RFC3: variants seen among roughly 807,000 people sequenced by gnomAD.
RFC3 encodes the protein A1 38 kDa subunit.
A neutral mutation model predicts 45.1 loss-of-function variants in RFC3; 41 were observed. That is an observed-to-expected ratio of 0.91 (90% CI 0.71 to 1.18). RFC3 has a LOEUF of 1.18. Ranked by LOEUF, RFC3 falls within the 50% of genes most tolerant of loss-of-function variation. The pLI, the probability that RFC3 is intolerant of heterozygous loss-of-function variation, is 0.00. For missense variants in RFC3, 423 were observed against 428.1 expected, an observed-to-expected ratio of 0.99 and a Z score of 0.10; for synonymous variants, 149 against 144.0, an observed-to-expected ratio of 1.03 and a Z score of -0.25.
chr13:33,822,186 A>G (rs1197006915), intron 2 of RFC3, among the ~76,000 whole-genome samples: 1 of 152,230 alleles, frequency 6.6e-6, no homozygotes, highest in Non-Finnish European at 1.5e-5. Context: ...GTATAAATAT[A>G]TAGGGACAAA....
downstream of RFC3, among the ~76,000 whole-genome samples, chr13:33,837,949 TA>T (rs1418615324): frequency 6.6e-6 from 1 of 152,068 alleles, no homozygotes; most frequent in East Asian, 1.9e-4. Context: ...ATTTTTTTTT[TA>T]ACCAATGGAT....
intron 8 of RFC3, among the ~76,000 whole-genome samples, chr13:33,914,033 A>G (rs531637012): frequency 6.1e-4 from 93 of 152,286 alleles, no homozygotes; most frequent in African/African-American, 2.2e-3. Flanking sequence ...AATAGTAGAC[A>G]GCTAATTGCC....
At chr13:33,957,907 A>G (rs1055332194) in intron 8 of RFC3, among the ~76,000 whole-genome samples, 7 of 152,078 alleles carry the variant, frequency 4.6e-5, no homozygotes, top group African/African-American at 1.7e-4. Context: ...AACTTTTACT[A>G]TTGTACCATA....
intron 8 of RFC3, among the ~76,000 whole-genome samples, chr13:33,845,971 C>A (rs1463142171): frequency 6.6e-6 from 1 of 152,168 alleles, no homozygotes. Flanking sequence ...GTTACTGTAG[C>A]CATATATGCA....
intron 8 of RFC3, among the ~76,000 whole-genome samples, chr13:33,896,711 CAAAAAAAAAAAAAAAAAAAA>C (rs56129519): frequency 1.4e-4 from 6 of 42,102 alleles, no homozygotes; most frequent in Admixed American, 1.4e-3. Context: ...GACTTTGTCT[CAAAAAAAAAAAAAAAAAAAA>C]AAAAAAAAAA....
intron 1 of RFC3, among the ~76,000 whole-genome samples, chr13:33,820,747 A>AT (rs1451583406): frequency 3.3e-5 from 5 of 152,158 alleles, no homozygotes; most frequent in African/African-American, 1.2e-4. Context: ...GGGTCTGTTC[A>AT]TTAGTCAGTC....
intron 8 of RFC3, among the ~76,000 whole-genome samples, chr13:33,870,883 GAGGTATAAT>G (rs960867380): frequency 1.3e-5 from 2 of 152,180 alleles, no homozygotes; most frequent in African/African-American, 4.8e-5. Flanking sequence ...ATCATTGCTT[GAGGTATAAT>G]AGGCGAAGGA....
chr13:33,860,786 A>G (rs1329850275), intron 8 of RFC3, among the ~76,000 whole-genome samples: 2 of 152,184 alleles, frequency 1.3e-5, no homozygotes, highest in Non-Finnish European at 2.9e-5. Flanking sequence ...CCCTTTAAAT[A>G]ACTTCCTCCT....
At chr13:33,882,923 G>C (rs1333416442) in intron 8 of RFC3, among the ~76,000 whole-genome samples, 1 of 152,160 alleles carries the variant, frequency 6.6e-6, no homozygotes, top group East Asian at 1.9e-4. Flanking sequence ...ATCCATCCAA[G>C]TTGATGTTTG....
chr13:33,852,302 T>C (rs2082281482), intron 8 of RFC3, among the ~76,000 whole-genome samples: 1 of 152,202 alleles, frequency 6.6e-6, no homozygotes, highest in Non-Finnish European at 1.5e-5. Context: ...GTGAACCTAC[T>C]TGACGTGGCT....
chr13:33,866,654 A>G (rs1262628730), intron 8 of RFC3, among the ~76,000 whole-genome samples: 1 of 152,170 alleles, frequency 6.6e-6, no homozygotes, highest in East Asian at 1.9e-4. Context: ...AGAAAGTCAC[A>G]AGGGGATACT....
At chr13:33,878,598 G>A (rs1379043264) in intron 8 of RFC3, among the ~76,000 whole-genome samples, 2 of 152,160 alleles carry the variant, frequency 1.3e-5, no homozygotes, top group African/African-American at 4.8e-5. Flanking sequence ...AGTTTGAGGT[G>A]TGTGGTAGGC....
intron 8 of RFC3, among the ~76,000 whole-genome samples, chr13:33,879,370 C>G (rs191496948): frequency 6.6e-6 from 1 of 152,174 alleles, no homozygotes; most frequent in African/African-American, 2.4e-5. Flanking sequence ...ATTTTATCCT[C>G]AGTCATTTCC....
intron 8 of RFC3, among the ~76,000 whole-genome samples, chr13:33,874,362 G>T (rs1566011785): frequency 6.6e-6 from 1 of 152,226 alleles, no homozygotes; most frequent in Non-Finnish European, 1.5e-5. Flanking sequence ...CTGTTATCCA[G>T]GCTGGAGTGC....
the RFC3 span, among the ~76,000 whole-genome samples, chr13:33,974,288 TGTA>T: frequency 6.6e-6 from 1 of 152,212 alleles, no homozygotes; most frequent in Non-Finnish European, 1.5e-5. Flanking sequence ...GGCAAACTGT[TGTA>T]GTAATAAGGA....
chr13:33,835,370 A>G, intron 8 of RFC3, 153 bp downstream of exon 8: 2 of 744,794 alleles, frequency 2.7e-6, no homozygotes, highest in South Asian at 2.8e-5. Context: ...TGTGCCAGGC[A>G]CTATTAGAGG....
chr13:33,827,545 A>G (rs549846425), intron 4 of RFC3, among the ~76,000 whole-genome samples: 6 of 152,350 alleles, frequency 3.9e-5, no homozygotes, highest in African/African-American at 1.4e-4. Flanking sequence ...ATCAAAATTA[A>G]TAATACCTGA....
chr13:33,907,802 A>G (rs912880267), intron 8 of RFC3, among the ~76,000 whole-genome samples: 1 of 152,132 alleles, frequency 6.6e-6, no homozygotes, highest in African/African-American at 2.4e-5. Flanking sequence ...CAGTGATCCA[A>G]TTTAAACTCT....
intron 8 of RFC3, among the ~76,000 whole-genome samples, chr13:33,947,190 G>A (rs1479769835): frequency 1.3e-5 from 2 of 152,128 alleles, no homozygotes; most frequent in African/African-American, 2.4e-5. Flanking sequence ...TCAAGGGTAG[G>A]ACCAGGTGGA....
Sources: gnomAD v4.1 joint callset for allele counts (sites outside exome capture counted in the v4.1 genomes callset) on GRCh38, gnomAD v4.1.1 for gene constraint, MANE v1.5 for transcripts, NCBI Gene and HGNC (gene_info 2026-07-23, HGNC 2026-07-21) for gene names.